ADAMTSL1: variants seen among roughly 807,000 people sequenced by gnomAD.
ADAMTSL1 encodes the protein ADAMTS-like protein 1.
ADAMTSL1 carries 126 observed loss-of-function variants against 201.8 expected under a neutral mutation model. The observed-to-expected ratio is 0.62, with a 90% CI of 0.54 to 0.72. ADAMTSL1 has a LOEUF of 0.72. ADAMTSL1 is among the 30% of genes least tolerant of loss of function. ADAMTSL1 has a pLI of 0.00. For synonymous variants in ADAMTSL1, 1,121 were observed against 903.4 expected (o/e 1.24, Z -4.32); for missense variants, 2,679 against 2,277.8 (o/e 1.18, Z -3.59).
At position 18,093,597 on chromosome 9, in the gene ADAMTSL1, A is replaced by C. The variant is rs184168522; in HGVS notation, c.88-70265A>C. ...TCAGTAAGCTGAGAGGTTATTAAGA[A>C]AAATATAAATATTATTACTTAGAGT... On this transcript the variant is annotated intron_variant, in intron 1 of 29. Transcript: ENST00000680146. 4.2e-4 allele frequency among the ~76,000 whole-genome samples: 64 copies of C among 152,338 alleles called. No homozygotes were observed. The East Asian group carries it at 0.011, about 27-fold the overall frequency.
At chr9:18,892,345 G>A (rs777808711) in intron 25 of ADAMTSL1, 44 bp from the exon 26 acceptor site, 2 of 1,575,092 alleles carry the variant, frequency 1.3e-6, no homozygotes, top group Non-Finnish European at 1.7e-6. Context: ...TTTCCCCAGG[G>A]CCTGTCCCTT....
chr9:18,213,847 C>A (rs1369207920), intron 2 of ADAMTSL1, among the ~76,000 whole-genome samples: 1 of 152,036 alleles, frequency 6.6e-6, no homozygotes, highest in South Asian at 2.1e-4. Context: ...TCAAGCAATT[C>A]CCCTGCCTCA....
At chr9:18,461,406 T>C (rs1820801939) in intron 2 of ADAMTSL1, among the ~76,000 whole-genome samples, 2 of 152,264 alleles carry the variant, frequency 1.3e-5, no homozygotes, top group South Asian at 4.1e-4. Context: ...TACACATGTT[T>C]GAAATATATA....
chr9:18,360,807 C>T (rs1563912136), intron 2 of ADAMTSL1: 1 of 152,156 alleles, frequency 6.6e-6, no homozygotes, highest in East Asian at 1.9e-4. Flanking sequence ...ACAGGGGTCT[C>T]TCTTCTTGTG....
At chr9:18,118,158 G>T (rs1825333620) in intron 1 of ADAMTSL1, among the ~76,000 whole-genome samples, 1 of 152,126 alleles carries the variant, frequency 6.6e-6, no homozygotes, top group Admixed American at 6.5e-5. Flanking sequence ...AAGTCAAAAG[G>T]AATCACTTGC....
At chr9:18,249,872 A>G (rs1319837152) in intron 2 of ADAMTSL1, among the ~76,000 whole-genome samples, 2 of 152,184 alleles carry the variant, frequency 1.3e-5, no homozygotes, top group East Asian at 3.9e-4. Context: ...TGATTCATGG[A>G]CAGGGACAGG....
intron 1 of ADAMTSL1, among the ~76,000 whole-genome samples, chr9:18,101,577 G>A (rs1203950369): frequency 6.6e-6 from 1 of 152,030 alleles, no homozygotes; most frequent in Non-Finnish European, 1.5e-5. Context: ...TCCCCTGGTA[G>A]CACATTCCCA....
chr9:18,481,629 C>T (rs181632164), intron 1 of ADAMTSL1, among the ~76,000 whole-genome samples: 45 of 152,068 alleles, frequency 3.0e-4, no homozygotes, highest in African/African-American at 8.4e-4. Flanking sequence ...CCTGCTTAGA[C>T]GCTGTTTGTT....
Position 18,227,859 on chromosome 9 carries a change from T to C in ADAMTSL1, c.207+63878T>C, listed in dbSNP as rs1475812680. ...ATAATTCATTGCCCCTTAAGGATACTGTGTCTTTCTTCATTTTTAAATCAC... is the reference window on the plus strand; with the variant it reads ...ATAATTCATTGCCCCTTAAGGATACCGTGTCTTTCTTCATTTTTAAATCAC... On this transcript the variant is annotated intron_variant, in intron 2 of 29. Transcript: ENST00000680146. 2.0e-5 allele frequency among the ~76,000 whole-genome samples: 3 copies of C among 152,198 alleles called. No homozygotes were observed. In the East Asian group the frequency reaches 5.8e-4, roughly 29 times the overall value.
chr9:18,527,676 C>G (rs1819170512), intron 2 of ADAMTSL1, among the ~76,000 whole-genome samples: 1 of 151,964 alleles, frequency 6.6e-6, no homozygotes, highest in African/African-American at 2.4e-5. Context: ...TAATGAGAGA[C>G]AAATAAAGTA....
At chr9:18,460,418 C>G (rs371253064) in intron 2 of ADAMTSL1, among the ~76,000 whole-genome samples, 1 of 152,072 alleles carries the variant, frequency 6.6e-6, no homozygotes, top group Admixed American at 6.6e-5. Flanking sequence ...TCAGCCCTAA[C>G]CAAGGGGGAC....
At chr9:18,432,920 T>G (rs1337004017) in intron 2 of ADAMTSL1, among the ~76,000 whole-genome samples, 1 of 152,194 alleles carries the variant, frequency 6.6e-6, no homozygotes, top group Non-Finnish European at 1.5e-5. Context: ...CTTTAGCTTT[T>G]GAAACTTTGA....
chr9:18,369,645 A>G (rs1836952166), intron 2 of ADAMTSL1, among the ~76,000 whole-genome samples: 1 of 152,218 alleles, frequency 6.6e-6, no homozygotes, highest in Admixed American at 6.5e-5. Context: ...TCAAAGGAAA[A>G]GAAATTATTG....
chr9:18,565,393 A>C (rs1229841892), intron 3 of ADAMTSL1, among the ~76,000 whole-genome samples: 1 of 152,186 alleles, frequency 6.6e-6, no homozygotes, highest in Non-Finnish European at 1.5e-5. Flanking sequence ...ACTAATTTTC[A>C]CAAACACTCA....
intron 15 of ADAMTSL1, among the ~76,000 whole-genome samples, chr9:18,725,519 C>G (rs1298383055): frequency 6.6e-6 from 1 of 152,132 alleles, no homozygotes; most frequent in Non-Finnish European, 1.5e-5. Context: ...TCCACCCAGT[C>G]CTTCAGTGGT....
intron 20 of ADAMTSL1, among the ~76,000 whole-genome samples, chr9:18,812,531 AG>A (rs755039872): frequency 2.0e-5 from 3 of 152,220 alleles, no homozygotes; most frequent in Non-Finnish European, 2.9e-5. Context: ...CTAAGTAAAT[AG>A]TTCTTAAACT....
At chr9:18,840,346 A>T (rs1408050782) in intron 23 of ADAMTSL1, among the ~76,000 whole-genome samples, 1 of 152,168 alleles carries the variant, frequency 6.6e-6, no homozygotes, top group Non-Finnish European at 1.5e-5. Context: ...AGATAGTTGT[A>T]GATCTATGGC....
intron 2 of ADAMTSL1, among the ~76,000 whole-genome samples, chr9:18,261,304 G>T (rs537989360): frequency 6.6e-6 from 1 of 152,220 alleles, no homozygotes; most frequent in East Asian, 1.9e-4. Flanking sequence ...AAGGCCCTTA[G>T]AATATCACAG....
chr9:18,596,502 T>A (rs537204699), intron 4 of ADAMTSL1, among the ~76,000 whole-genome samples: 1 of 152,178 alleles, frequency 6.6e-6, no homozygotes, highest in Non-Finnish European at 1.5e-5. Context: ...AGCACTGACA[T>A]GGTGCCTCAG....
Sources: allele counts gnomAD v4.1 joint callset (sites outside exome capture counted in the v4.1 genomes callset), GRCh38; gene constraint gnomAD v4.1.1; transcripts MANE v1.5; gene names NCBI Gene and HGNC (gene_info 2026-07-23, HGNC 2026-07-21).